The following ENY2 variants were observed in gnomAD, a reference collection of about 807,000 sequenced individuals.
ENY2 encodes transcription and mRNA export factor ENY2.
Under a neutral mutation model 15.9 loss-of-function variants are expected in ENY2, and 4 were observed. The observed-to-expected ratio is 0.25, with a 90% CI of 0.12 to 0.57. ENY2 has a LOEUF of 0.57. Among genes scored for constraint, ENY2 ranks in the 20% least tolerant of loss-of-function variants. The pLI is 0.91. For missense variants in ENY2, 54 were observed against 117.2 expected (o/e 0.46, Z 2.49); for synonymous variants, 48 against 38.0 (o/e 1.26, Z -0.97).
At position 109,339,043 on chromosome 8, in the gene ENY2, G is replaced by A. The variant is rs554536040; in HGVS notation, c.84-277G>A. 73 of 456,328 alleles carry A rather than the reference G, an allele frequency of 1.6e-4. 2 individuals carry two copies. Among genetic ancestry groups the A allele is most frequent in the East Asian group, 8.9e-4 (23 of 25,904 alleles). The allele number at this position is 456,328 out of a possible 1,614,324, so 28.3% of individuals were successfully genotyped here. A position where few individuals can be genotyped will look rare whatever the true frequency, so the allele number is the denominator to read the frequency against. On this transcript the variant is annotated intron_variant, in intron 2 of 4. Coordinates refer to ENST00000521688, the MANE Select transcript of ENY2 (RefSeq NM_020189.6). The stretch of plus-strand genomic sequence containing the variant: ...TAGAGGACGGTGGAGAGTATATAAC[G>A]TGGCCAAATAATAGAGCTTCTTGAA...
At position 109,345,145 on chromosome 8, in the gene ENY2, C is replaced by T. The variant is rs1816216180; in HGVS notation, c.*1664C>T. 2 of 152,152 alleles carry T rather than the reference C, an allele frequency of 1.3e-5. No individual in the cohort carries two copies. Among genetic ancestry groups the T allele is most frequent in the Non-Finnish European group, 1.5e-5 (1 of 68,040 alleles). The allele number at this position is 152,152 out of a possible 1,614,324, so 9.4% of individuals were successfully genotyped here. A position where few individuals can be genotyped will look rare whatever the true frequency, so the allele number is the denominator to read the frequency against. Reference sequence around the variant, plus strand: ...TTAGTTGCTAAAACATTCAGACATCCCTCTGACTTAGATCCCCCACTACTG... The same window carrying T: ...TTAGTTGCTAAAACATTCAGACATCTCTCTGACTTAGATCCCCCACTACTG... On this transcript the variant is annotated 3_prime_UTR_variant, in exon 5 of 5. Transcript: ENST00000521688.
At chr8:109,342,771 T>C in intron 4 of ENY2, 1 of 695,946 alleles carries the variant, frequency 1.4e-6, no homozygotes, top group African/African-American at 1.8e-5. Flanking sequence ...TCCAGACTGC[T>C]GGGATGACAG....
chr8:109,340,608 A>G lies in ENY2; in HGVS notation c.229+45A>G, dbSNP rs770207334. On this transcript the variant is annotated intron_variant, in intron 4 of 4. Transcript: ENST00000521688. ...TTAAAGGAAACATGCTGCAGACATGATTTTTTTAAAATCTCTTGCTGGTTC... is the reference window on the plus strand; with the variant it reads ...TTAAAGGAAACATGCTGCAGACATGGTTTTTTTAAAATCTCTTGCTGGTTC... 3.7e-6 allele frequency: 6 copies of G among 1,600,596 alleles called. No individual in the cohort carries two copies. The South Asian group carries it at 6.8e-5, about 18-fold the overall frequency.
In ENY2 at chr8:109,345,554, T is replaced by C. The variant is rs530270736; in HGVS notation, c.*2073T>C. Reference sequence around the variant, plus strand: ...TTTCACTTCATCTCTTATAAAACAATGTTCTAAAGTAAGTGATAGGGATGC... The same window carrying C: ...TTTCACTTCATCTCTTATAAAACAACGTTCTAAAGTAAGTGATAGGGATGC... On this transcript the variant is annotated 3_prime_UTR_variant, in exon 5 of 5. Transcript: ENST00000521688. 2 of 152,276 alleles carry C rather than the reference T, an allele frequency of 1.3e-5. No individual in the cohort carries two copies. Among genetic ancestry groups the C allele is most frequent in the African/African-American group, 4.8e-5 (2 of 41,566 alleles). The allele number at this position is 152,276 out of a possible 1,614,324, so 9.4% of individuals were successfully genotyped here. A position where few individuals can be genotyped will look rare whatever the true frequency, so the allele number is the denominator to read the frequency against.
At chr8:109,339,597 C>T (rs1816071077) in intron 3 of ENY2, 1 of 449,942 alleles carries the variant, frequency 2.2e-6, no homozygotes, top group East Asian at 3.4e-5. Context: ...AGCGTGAGCA[C>T]TTAAGATTTT....
intron 4 of ENY2, among the ~76,000 whole-genome samples, chr8:109,341,409 T>G (rs1816109510): frequency 6.6e-6 from 1 of 152,140 alleles, no homozygotes; most frequent in Non-Finnish European, 1.5e-5. Context: ...TAGGCCTGTT[T>G]ACAATTGAAA....
intron 2 of ENY2, 122 bp downstream of exon 2, chr8:109,336,326 C>A (rs1466311221): frequency 7.0e-6 from 6 of 861,592 alleles, no homozygotes; most frequent in Non-Finnish European, 1.1e-5. Flanking sequence ...ATAAAAGTTT[C>A]TATTCCGAAC....
intron 4 of ENY2, among the ~76,000 whole-genome samples, chr8:109,342,139 G>A (rs73700861): frequency 0.01 from 1,527 of 147,860 alleles, 25 homozygotes; most frequent in African/African-American, 0.034. Context: ...AAGTAAATAC[G>A]TTAGAAGTTT....
Position 109,344,303 on chromosome 8 carries a change from C to G in ENY2, c.*822C>G, listed in dbSNP as rs1563693954. On this transcript the variant is annotated 3_prime_UTR_variant, in exon 5 of 5. Coordinates refer to ENST00000521688, the MANE Select transcript of ENY2 (RefSeq NM_020189.6). ...GTTCCTTCTGTTTCTTGTGGAGTAC[C>G]TTTTGCTGTCTGGGACTTGTAGATA... The G allele has an allele frequency of 6.6e-6, 1 of 152,232 alleles. No individual in the cohort carries two copies. Among genetic ancestry groups the G allele is most frequent in the African/African-American group, 2.4e-5 (1 of 41,420 alleles). The allele number at this position is 152,232 out of a possible 1,614,324, so 9.4% of individuals were successfully genotyped here. A position where few individuals can be genotyped will look rare whatever the true frequency, so the allele number is the denominator to read the frequency against.
At chr8:109,340,317 A>T in intron 3 of ENY2, 172 bp from the exon 4 acceptor site, 2 of 844,584 alleles carry the variant, frequency 2.4e-6, no homozygotes, top group African/African-American at 1.7e-5. Context: ...TTTATCTTTT[A>T]GATCTAAAGA....
chr8:109,336,433 T>G, intron 2 of ENY2: 2 of 437,618 alleles, frequency 4.6e-6, no homozygotes, highest in Non-Finnish European at 8.2e-6. Context: ...TAAAGAGTAA[T>G]TTGATGGAGA....
intron 2 of ENY2, among the ~76,000 whole-genome samples, chr8:109,337,756 G>A (rs1816020850): frequency 6.6e-6 from 1 of 152,110 alleles, no homozygotes; most frequent in South Asian, 2.1e-4. Flanking sequence ...ACAAAAATTA[G>A]CCATGCATGG....
chr8:109,336,204 G>A lies in ENY2; in HGVS notation c.83G>A (p.Arg28His), dbSNP rs780879339. The A allele has an allele frequency of 3.7e-6, 6 of 1,610,574 alleles. No homozygotes were observed. Among genetic ancestry groups the A allele is most frequent in the African/African-American group, 1.3e-5 (1 of 74,800 alleles). The change falls in exon 2 of 5, where the codon CGC (arginine) becomes CAC (histidine). Residue 28 changes from arginine to histidine, a missense_variant and splice_region_variant. Coordinates refer to ENST00000521688, the MANE Select transcript of ENY2 (RefSeq NM_020189.6). ...QKLIETGERERLKELLRAKLI... is the reference protein window; with the variant it reads ...QKLIETGEREHLKELLRAKLI... ...TTGATAGAAACTGGAGAAAGAGAAC[G>A]GTAAGTAATAGATTGTGTTAATAAA... is the stretch of plus-strand genomic sequence containing the variant.
At chr8:109,335,505 G>A (rs549656976) in intron 1 of ENY2, 3 of 151,952 alleles carry the variant, frequency 2.0e-5, no homozygotes, top group African/African-American at 7.3e-5. Flanking sequence ...TGGGATTACA[G>A]ACACCTGCCA....
intron 4 of ENY2, chr8:109,342,937 C>G (rs1217518194): frequency 2.0e-6 from 1 of 488,536 alleles, no homozygotes; most frequent in Non-Finnish European, 3.6e-6. Context: ...TTCTTCATCT[C>G]TTTTGTTCAT....
chr8:109,336,126 A>T lies in ENY2; in HGVS notation c.7-2A>T. 1 of 1,613,180 alleles carries T rather than the reference A, an allele frequency of 6.2e-7. No individual in the cohort carries two copies. The highest frequency in any genetic ancestry group is 8.5e-7 in the Non-Finnish European group (1 of 1,179,360). ...TATCTGAAAGTACATGTTGATGTCCAGGTTAGCAAGATGAACAAAGATGCG... is the reference window on the plus strand; with the variant it reads ...TATCTGAAAGTACATGTTGATGTCCTGGTTAGCAAGATGAACAAAGATGCG... On this transcript the variant is annotated splice_acceptor_variant, in intron 1 of 4. Coordinates refer to ENST00000521688, the MANE Select transcript of ENY2 (RefSeq NM_020189.6). LOFTEE classifies it high-confidence loss of function.
Position 109,343,501 on chromosome 8 carries a change from G to A in ENY2, c.*20G>A. On this transcript the variant is annotated 3_prime_UTR_variant, in exon 5 of 5. Coordinates refer to ENST00000521688, the MANE Select transcript of ENY2 (RefSeq NM_020189.6). Reference sequence around the variant, plus strand: ...CTTTAAGATTGAATTAGATTGTGTTGTTGTGGTTTTATTTCTGAAAGTAAA... The same window carrying A: ...CTTTAAGATTGAATTAGATTGTGTTATTGTGGTTTTATTTCTGAAAGTAAA... The A allele has an allele frequency of 1.3e-6, 2 of 1,586,604 alleles. No homozygotes were observed. The highest frequency in any genetic ancestry group is 1.7e-6 in the Non-Finnish European group (2 of 1,170,018).
chr8:109,334,400 G>A lies in ENY2; in HGVS notation c.-69G>A, dbSNP rs1299429301. On this transcript the variant is annotated 5_prime_UTR_variant, in exon 1 of 5. In the 5' UTR this introduces an upstream ATG that the reference lacks. Coordinates refer to ENST00000521688, the MANE Select transcript of ENY2 (RefSeq NM_020189.6). ...GTCTAAGTCCGGGCAGCCGAAGAGT[G>A]TGGTAGGTAACGGTCCTCAGCGCAA... is the stretch of plus-strand genomic sequence containing the variant. The A allele has an allele frequency of 9.3e-6, 15 of 1,611,480 alleles. No individual in the cohort carries two copies. The highest frequency in any genetic ancestry group is 1.3e-5 in the Non-Finnish European group (15 of 1,178,536).
rs190268415 is a variant in ENY2 at position 109,345,522 on chromosome 8, T to C, written c.*2041T>C. ...CAATCACAAAACCTACCCAAACAAGTTTTTTGTTTCACTTCATCTCTTATA... is the reference window on the plus strand; with the variant it reads ...CAATCACAAAACCTACCCAAACAAGCTTTTTGTTTCACTTCATCTCTTATA... On this transcript the variant is annotated 3_prime_UTR_variant, in exon 5 of 5. Coordinates refer to ENST00000521688, the MANE Select transcript of ENY2 (RefSeq NM_020189.6). 19 of 152,218 alleles carry C rather than the reference T, an allele frequency of 1.2e-4. No homozygotes were observed. The highest frequency in any genetic ancestry group is 3.3e-4 in the Admixed American group (5 of 15,278). 9.4% of individuals were successfully genotyped at this position (152,218 alleles called of 1,614,324 possible). A position where few individuals can be genotyped will look rare whatever the true frequency, so the allele number is the denominator to read the frequency against.
Sources: allele counts gnomAD v4.1 joint callset (sites outside exome capture counted in the v4.1 genomes callset), GRCh38; gene constraint gnomAD v4.1.1; transcripts MANE v1.5; gene names NCBI Gene and HGNC (gene_info 2026-07-23, HGNC 2026-07-21).